Variants in MAGI2 observed in about 807,000 individuals in gnomAD.
MAGI2 encodes membrane associated guanylate kinase, WW and PDZ domain containing 2, also known as membrane-associated guanylate kinase, WW and PDZ domain-containing protein 2.
In MAGI2, 35 loss-of-function variants were observed where a neutral mutation model predicts 133.3. That is an observed-to-expected ratio of 0.26 (90% CI 0.20 to 0.35). The LOEUF is 0.35. Among genes scored for constraint, MAGI2 ranks in the 10% least tolerant of loss-of-function variants. The pLI, the probability that MAGI2 is intolerant of heterozygous loss-of-function variation, is 1.00. For missense variants in MAGI2, 1,636 were observed against 1,863.4 expected, an observed-to-expected ratio of 0.88 and a Z score of 2.25; for synonymous variants, 729 against 710.6, an observed-to-expected ratio of 1.03 and a Z score of -0.41.
chr7:78,032,007 C>T (rs973634312), intron 21 of MAGI2, among the ~76,000 whole-genome samples: 2 of 98,038 alleles, frequency 2.0e-5, no homozygotes, highest in Non-Finnish European at 4.3e-5. Flanking sequence ...AAAGCCCCCC[C>T]ACTTTTTTTT....
chr7:78,530,380 C>G (rs1304079317), intron 3 of MAGI2, among the ~76,000 whole-genome samples: 1 of 152,128 alleles, frequency 6.6e-6, no homozygotes, highest in Non-Finnish European at 1.5e-5. Flanking sequence ...CTTGTCTTAA[C>G]TTGAAATATT....
chr7:78,663,210 TTTTTTTTTTTTTTC>T (rs1813171495), intron 2 of MAGI2, among the ~76,000 whole-genome samples: 1 of 150,448 alleles, frequency 6.6e-6, no homozygotes, highest in African/African-American at 2.4e-5. Context: ...CTCTTTTTTT[TTTTTTTTTTTTTTC>T]CAGACACAGT....
At chr7:79,282,481 G>A (rs1338416445) in intron 1 of MAGI2, among the ~76,000 whole-genome samples, 1 of 152,152 alleles carries the variant, frequency 6.6e-6, no homozygotes, top group East Asian at 1.9e-4. Context: ...CAGGAAAAAA[G>A]TTAGAGAGTT....
intron 6 of MAGI2, among the ~76,000 whole-genome samples, chr7:78,424,603 A>C (rs1799112994): frequency 6.6e-6 from 1 of 152,192 alleles, no homozygotes; most frequent in South Asian, 2.1e-4. Context: ...CCATTAAAGC[A>C]GCCAGGAGGG....
intron 16 of MAGI2, among the ~76,000 whole-genome samples, chr7:78,144,615 C>A (rs1823105906): frequency 6.6e-6 from 1 of 152,118 alleles, no homozygotes; most frequent in African/African-American, 2.4e-5. Context: ...CTGTTAAAAT[C>A]ATCAATTTAA....
chr7:78,688,069 C>T (rs533258218), intron 2 of MAGI2, among the ~76,000 whole-genome samples: 15 of 142,978 alleles, frequency 1.0e-4, no homozygotes, highest in African/African-American at 3.6e-4. Flanking sequence ...GTGGGACTGA[C>T]AAAAATAATG....
At chr7:78,378,320 A>G (rs1794631538) in intron 6 of MAGI2, among the ~76,000 whole-genome samples, 1 of 152,016 alleles carries the variant, frequency 6.6e-6, no homozygotes, top group Admixed American at 6.6e-5. Flanking sequence ...AGAAGAAAAT[A>G]GAATAGAACT....
chr7:79,055,340 C>A (rs558904753), intron 1 of MAGI2, among the ~76,000 whole-genome samples: 1 of 151,498 alleles, frequency 6.6e-6, no homozygotes, highest in Non-Finnish European at 1.5e-5. Flanking sequence ...CTGTGTCTGG[C>A]GCATAATATG....
intron 1 of MAGI2, among the ~76,000 whole-genome samples, chr7:79,442,643 T>A (rs2129198556): frequency 6.6e-6 from 1 of 152,212 alleles, no homozygotes; most frequent in Admixed American, 6.5e-5. Context: ...AAAGAGGACT[T>A]GAGTATTTTA....
At chr7:78,290,832 G>A (rs940219587) in intron 9 of MAGI2, among the ~76,000 whole-genome samples, 4 of 152,200 alleles carry the variant, frequency 2.6e-5, no homozygotes, top group African/African-American at 4.8e-5. Context: ...GCTCCTGAAT[G>A]ACTACTGGGT....
intron 2 of MAGI2, among the ~76,000 whole-genome samples, chr7:78,956,137 G>C (rs181418685): frequency 1.3e-5 from 2 of 152,094 alleles, no homozygotes; most frequent in African/African-American, 2.4e-5. Flanking sequence ...GCACCAACCT[G>C]CCCTGGAGGT....
At position 78,605,093 on chromosome 7, in the gene MAGI2, T is replaced by G. The variant is rs74466748; in HGVS notation, c.538+22027A>C. On this transcript the variant is annotated intron_variant, in intron 3 of 21. Coordinates refer to ENST00000354212, the MANE Select transcript of MAGI2 (RefSeq NM_012301.4). Reference sequence around the variant, plus strand: ...GAGAAATAAGACTGGCTTCGTATTTTCAAAACATACCTCTAGATGCAATGT... The same window carrying G: ...GAGAAATAAGACTGGCTTCGTATTTGCAAAACATACCTCTAGATGCAATGT... 6.0e-3 allele frequency among the ~76,000 whole-genome samples: 915 copies of G among 152,328 alleles called. 45 individuals carry two copies. The East Asian group carries it at 0.11, about 19-fold the overall frequency.
chr7:79,033,742 G>T (rs1436938013), intron 1 of MAGI2, among the ~76,000 whole-genome samples: 1 of 152,108 alleles, frequency 6.6e-6, no homozygotes, highest in African/African-American at 2.4e-5. Context: ...TGGCCCAATG[G>T]CTTAATATAA....
chr7:78,987,264 T>C (rs1805354935), intron 2 of MAGI2, among the ~76,000 whole-genome samples: 1 of 151,988 alleles, frequency 6.6e-6, no homozygotes, highest in Non-Finnish European at 1.5e-5. Flanking sequence ...AAAGTGCAGA[T>C]ATAGGTGTGC....
At chr7:79,157,727 C>G (rs1823922330) in intron 1 of MAGI2, among the ~76,000 whole-genome samples, 1 of 151,810 alleles carries the variant, frequency 6.6e-6, no homozygotes, top group South Asian at 2.1e-4. Flanking sequence ...GGTAAAGAGC[C>G]CTAAGTTTGA....
intron 1 of MAGI2, among the ~76,000 whole-genome samples, chr7:79,265,069 A>G (rs778994742): frequency 3.3e-5 from 5 of 152,158 alleles, no homozygotes; most frequent in Non-Finnish European, 7.3e-5. Context: ...AGAGCAGACA[A>G]ATAATAATAA....
intron 12 of MAGI2, among the ~76,000 whole-genome samples, chr7:78,189,333 T>G (rs1489529466): frequency 6.6e-5 from 10 of 152,220 alleles, no homozygotes; most frequent in African/African-American, 2.4e-4. Flanking sequence ...TTCTCCATTA[T>G]ACTCTTGAAC....
chr7:79,110,149 G>A (rs140816984), intron 1 of MAGI2, among the ~76,000 whole-genome samples: 227 of 150,366 alleles, frequency 1.5e-3, no homozygotes, highest in African/African-American at 5.3e-3. Context: ...GACATCAGAG[G>A]ATGCATGGAA....
chr7:78,324,197 C>CACTAT (rs1788339534), intron 9 of MAGI2, among the ~76,000 whole-genome samples: 1 of 151,714 alleles, frequency 6.6e-6, no homozygotes, highest in African/African-American at 2.4e-5. Context: ...CACTACACTA[C>CACTAT]ACTACACTAC....
Sources: gnomAD v4.1 joint callset for allele counts (sites outside exome capture counted in the v4.1 genomes callset) on GRCh38, gnomAD v4.1.1 for gene constraint, MANE v1.5 for transcripts, NCBI Gene and HGNC (gene_info 2026-07-23, HGNC 2026-07-21) for gene names.